The following PLOD2 variants were observed in gnomAD, a reference collection of about 807,000 sequenced individuals.
The protein encoded by PLOD2 is procollagen-lysine,2-oxoglutarate 5-dioxygenase 2.
A neutral mutation model predicts 101.0 loss-of-function variants in PLOD2; 65 were observed. The observed-to-expected ratio is 0.64, with a 90% CI of 0.53 to 0.79. The LOEUF (loss-of-function observed/expected upper bound fraction) is 0.79, where lower values mean the gene tolerates loss of function less well. PLOD2 is among the 30% of genes least tolerant of loss of function. PLOD2 has a pLI of 0.00. For synonymous variants in PLOD2, 314 were observed against 302.9 expected (o/e 1.04, Z -0.38); for missense variants, 909 against 914.6 (o/e 0.99, Z 0.08).
intron 13 of PLOD2, 68 bp from the exon 14 acceptor site, chr3:146,077,992 TA>T: frequency 1.2e-6 from 1 of 860,194 alleles, no homozygotes; most frequent in Non-Finnish European, 2.0e-6. Flanking sequence ...CTTTGGTAAA[TA>T]AAAATAATAG....
chr3:146,159,884 T>C (rs1452812059), intron 1 of PLOD2, among the ~76,000 whole-genome samples: 1 of 152,240 alleles, frequency 6.6e-6, no homozygotes, highest in Non-Finnish European at 1.5e-5. Context: ...AAACTATCGC[T>C]ACATGGATTA....
At chr3:146,104,461 G>C in intron 5 of PLOD2, 119 bp from the exon 6 acceptor site, 1 of 644,064 alleles carries the variant, frequency 1.6e-6, no homozygotes. Context: ...TATATCTTAA[G>C]TGTCTAATCA....
intron 1 of PLOD2, among the ~76,000 whole-genome samples, chr3:146,134,169 G>T (rs1407968740): frequency 6.6e-6 from 1 of 152,042 alleles, no homozygotes; most frequent in African/African-American, 2.4e-5. Context: ...GAACTGGCTG[G>T]GGTGGAAATA....
Position 146,079,194 on chromosome 3 carries a change from T to C in PLOD2, c.1422A>G (p.Ser474=), listed in dbSNP as rs763955544. 2.5e-6 allele frequency: 4 copies of C among 1,609,962 alleles called. No individual in the cohort carries two copies. The East Asian group carries it at 6.7e-5, about 27-fold the overall frequency. ...CAAAATAGTTCCTTTCATTCATCTCTGATCGGAGTGTCTTTCCTTTAATTA... is the reference window on the plus strand; with the variant it reads ...CAAAATAGTTCCTTTCATTCATCTCCGATCGGAGTGTCTTTCCTTTAATTA... The part of the protein sequence containing the change: ...VYLIKGKTLR[S]EMNERNYFVR... The change falls in exon 13 of 20, where the codon TCA becomes TCG. Residue 474 remains serine (S), a synonymous_variant. Coordinates refer to ENST00000282903, the MANE Select transcript of PLOD2 (RefSeq NM_182943.3).
intron 1 of PLOD2, among the ~76,000 whole-genome samples, chr3:146,142,341 C>T (rs1351499561): frequency 3.3e-5 from 5 of 152,016 alleles, no homozygotes; most frequent in Non-Finnish European, 7.4e-5. Context: ...GTTAGCAAAA[C>T]AAATCAGTGC....
chr3:146,124,985 A>G (rs2030466005), intron 1 of PLOD2, among the ~76,000 whole-genome samples: 1 of 152,164 alleles, frequency 6.6e-6, no homozygotes, highest in Admixed American at 6.5e-5. Flanking sequence ...AAACACCTAC[A>G]TAAGCTACTA....
rs1446618037 is a variant in PLOD2 at position 146,070,654 on chromosome 3, A to C, written c.*63T>G. ...CTCTCATCTTCTCAGCCACAACTTC[A>C]AAGACGTGTTCATGCCAGTCATTCA... On this transcript the variant is annotated 3_prime_UTR_variant, in exon 20 of 20. Transcript: ENST00000282903. The C allele has an allele frequency of 2.7e-6, 3 of 1,108,162 alleles. No homozygotes were observed. Among genetic ancestry groups the C allele is most frequent in the Non-Finnish European group, 4.1e-6 (3 of 734,844 alleles). The allele number at this position is 1,108,162 out of a possible 1,614,324, so 68.6% of individuals were successfully genotyped here. A position where few individuals can be genotyped will look rare whatever the true frequency, so the allele number is the denominator to read the frequency against.
chr3:146,135,200 T>C (rs971563088), intron 1 of PLOD2, among the ~76,000 whole-genome samples: 2 of 152,342 alleles, frequency 1.3e-5, no homozygotes, highest in African/African-American at 2.4e-5. Context: ...GAAAGTTTTA[T>C]AGCATCAGTT....
chr3:146,132,092 C>A (rs2030947926), intron 1 of PLOD2, among the ~76,000 whole-genome samples: 1 of 152,160 alleles, frequency 6.6e-6, no homozygotes, highest in South Asian at 2.1e-4. Context: ...CACATGGATG[C>A]CTGGGCTTCC....
rs2032565950 is a variant in PLOD2 at position 146,161,142 on chromosome 3, G to C, written c.-153C>G. ...GCGCGGCCGGCAGCCGGAGCGGCGC[G>C]TAACGCAGCTGAGTGAGGTCGTCGG... is the stretch of plus-strand genomic sequence containing the variant. On this transcript the variant is annotated 5_prime_UTR_variant, in exon 1 of 20. Coordinates refer to ENST00000282903, the MANE Select transcript of PLOD2 (RefSeq NM_182943.3). The C allele has an allele frequency of 2.3e-6, 1 of 433,208 alleles. No homozygotes were observed. Among genetic ancestry groups the C allele is most frequent in the African/African-American group, 2.1e-5 (1 of 47,532 alleles). 26.8% of individuals were successfully genotyped at this position (433,208 alleles called of 1,614,324 possible). A position where few individuals can be genotyped will look rare whatever the true frequency, so the allele number is the denominator to read the frequency against.
intron 7 of PLOD2, among the ~76,000 whole-genome samples, chr3:146,095,600 CT>C (rs1937121563): frequency 6.6e-6 from 1 of 152,068 alleles, no homozygotes; most frequent in East Asian, 1.9e-4. Context: ...CGCTTTTACG[CT>C]GCTGGTGGGA....
At chr3:146,110,696 A>AT (rs1209865807) in intron 3 of PLOD2, among the ~76,000 whole-genome samples, 4 of 151,712 alleles carry the variant, frequency 2.6e-5, no homozygotes, top group African/African-American at 7.3e-5. Flanking sequence ...GTTAGCCTTA[A>AT]TTTTTTTTTC....
At chr3:146,118,390 T>C (rs939325407) in intron 3 of PLOD2, among the ~76,000 whole-genome samples, 4 of 152,172 alleles carry the variant, frequency 2.6e-5, no homozygotes, top group Admixed American at 6.5e-5. Flanking sequence ...TTTAAGTGTG[T>C]ACGGCACTGG....
At chr3:146,089,666 C>T (rs1430683332) in intron 8 of PLOD2, among the ~76,000 whole-genome samples, 1 of 151,598 alleles carries the variant, frequency 6.6e-6, no homozygotes, top group East Asian at 1.9e-4. Flanking sequence ...CATATGCTCA[C>T]ATAAAAGTAC....
At chr3:146,155,200 G>A (rs1424596619) in intron 1 of PLOD2, among the ~76,000 whole-genome samples, 1 of 152,112 alleles carries the variant, frequency 6.6e-6, no homozygotes. Context: ...CAGAGTTGCA[G>A]TCCCAGCTAC....
At chr3:146,112,189 AC>A (rs1168863663) in intron 3 of PLOD2, among the ~76,000 whole-genome samples, 10 of 152,214 alleles carry the variant, frequency 6.6e-5, no homozygotes, top group Non-Finnish European at 1.5e-5. Flanking sequence ...CTATAAAGTT[AC>A]ATGCACACAT....
Position 146,083,365 on chromosome 3 carries a change from C to T in PLOD2, c.1233-1502G>A, listed in dbSNP as rs150662167. On this transcript the variant is annotated intron_variant, in intron 11 of 19. Coordinates refer to ENST00000282903, the MANE Select transcript of PLOD2 (RefSeq NM_182943.3). ...CACATGCCCAAGATGTGTCAAATCT[C>T]TTTCTCTACTCTTCAGTCCAATCTA... 1.1e-3 allele frequency among the ~76,000 whole-genome samples: 172 copies of T among 152,284 alleles called. 5 individuals carry two copies. The East Asian group carries it at 0.031, about 27-fold the overall frequency.
intron 3 of PLOD2, among the ~76,000 whole-genome samples, chr3:146,111,355 G>C (rs1458402856): frequency 6.6e-6 from 1 of 152,110 alleles, no homozygotes; most frequent in Non-Finnish European, 1.5e-5. Flanking sequence ...TTTGAAGTCT[G>C]CCAGGTGGGT....
intron 1 of PLOD2, among the ~76,000 whole-genome samples, chr3:146,148,912 T>C (rs1039652701): frequency 2.0e-5 from 3 of 152,204 alleles, no homozygotes; most frequent in Non-Finnish European, 4.4e-5. Flanking sequence ...ATGCAAAGAA[T>C]GGCTGGGATA....
Sources: allele counts gnomAD v4.1 joint callset (sites outside exome capture counted in the v4.1 genomes callset), GRCh38; gene constraint gnomAD v4.1.1; transcripts MANE v1.5; gene names NCBI Gene and HGNC (gene_info 2026-07-23, HGNC 2026-07-21).